Variants in TCL1A observed in about 807,000 individuals in gnomAD.
TCL1A encodes TCL1 family AKT coactivator A.
TCL1A carries 9 observed loss-of-function variants against 16.9 expected under a neutral mutation model. That is an observed-to-expected ratio of 0.53 (90% CI 0.32 to 0.93). TCL1A has a LOEUF of 0.93. Among genes scored for constraint, TCL1A ranks in the 40% least tolerant of loss-of-function variants. The pLI, the probability that TCL1A is intolerant of heterozygous loss-of-function variation, is 0.04. For missense variants in TCL1A, 139 were observed against 153.0 expected, an observed-to-expected ratio of 0.91 and a Z score of 0.48; for synonymous variants, 69 against 63.2, an observed-to-expected ratio of 1.09 and a Z score of -0.44.
At chr14:95,712,551 T>C in intron 1 of TCL1A, 155 bp from the exon 2 acceptor site, 1 of 1,466,102 alleles carries the variant, frequency 6.8e-7, no homozygotes, top group Admixed American at 2.4e-5. Context: ...TGAAGCTCAC[T>C]TCCTTAGGCC....
At chr14:95,713,713 C>T (rs1412539168) in intron 1 of TCL1A, among the ~76,000 whole-genome samples, 4 of 152,320 alleles carry the variant, frequency 2.6e-5, no homozygotes, top group Admixed American at 1.3e-4. Context: ...AGTCACACTC[C>T]ACAGGCACTG....
rs1595066623 is a variant in TCL1A at position 95,712,522 on chromosome 14, G to C, written c.121-126C>G. 3.4e-6 allele frequency: 5 copies of C among 1,487,232 alleles called. No individual in the cohort carries two copies. In the East Asian group the frequency reaches 1.2e-4, roughly 34 times the overall value. 92.1% of individuals were successfully genotyped at this position (1,487,232 alleles called of 1,614,324 possible). On this transcript the variant is annotated intron_variant, in intron 1 of 3. Transcript: ENST00000402399. ...CTGGGCAGGGGTCCGAGTGTGAAATGATGGTCATCACTGTTCCCTGAAGCT... is the reference window on the plus strand; with the variant it reads ...CTGGGCAGGGGTCCGAGTGTGAAATCATGGTCATCACTGTTCCCTGAAGCT...
chr14:95,711,094 T>A (rs1012432599), intron 3 of TCL1A, among the ~76,000 whole-genome samples: 2 of 152,104 alleles, frequency 1.3e-5, no homozygotes, highest in Admixed American at 1.3e-4. Context: ...GTACTCTTAT[T>A]TCCTCAAAAC....
At chr14:95,713,474 T>A (rs549202006) in intron 1 of TCL1A, among the ~76,000 whole-genome samples, 1 of 152,290 alleles carries the variant, frequency 6.6e-6, no homozygotes, top group East Asian at 1.9e-4. Flanking sequence ...GTTAAATTTG[T>A]TTTCTAAATA....
At chr14:95,712,857 C>T (rs553654593) in intron 1 of TCL1A, 19 of 384,910 alleles carry the variant, frequency 4.9e-5, no homozygotes, top group African/African-American at 2.8e-4. Flanking sequence ...CAAAATCTGT[C>T]CCACAGTTTG....
chr14:95,713,712 C>G (rs145224919), intron 1 of TCL1A, among the ~76,000 whole-genome samples: 3 of 152,334 alleles, frequency 2.0e-5, no homozygotes, highest in South Asian at 2.1e-4. Context: ...TAGTCACACT[C>G]CACAGGCACT....
chr14:95,712,207 G>T lies in TCL1A; in HGVS notation c.297+13C>A. The T allele has an allele frequency of 6.2e-7, 1 of 1,614,132 alleles. No individual in the cohort carries two copies. The highest frequency in any genetic ancestry group is 8.5e-7 in the Non-Finnish European group (1 of 1,180,022). On this transcript the variant is annotated intron_variant, in intron 2 of 3. Coordinates refer to ENST00000402399, the MANE Select transcript of TCL1A (RefSeq NM_021966.3). ...AAGATCACCCGATGGACCTCTGGGA[G>T]AAAGACACTCACCTTGATGTGGTAC...
intron 1 of TCL1A, among the ~76,000 whole-genome samples, chr14:95,713,427 T>C (rs1566747493): frequency 6.6e-6 from 1 of 152,346 alleles, no homozygotes; most frequent in African/African-American, 2.4e-5. Context: ...AAAGTCAATA[T>C]TGATTCAATA....
At chr14:95,712,113 T>G in intron 2 of TCL1A, 107 bp downstream of exon 2, 1 of 1,376,648 alleles carries the variant, frequency 7.3e-7, no homozygotes, top group Non-Finnish European at 1.0e-6. Flanking sequence ...CCCCCATTTT[T>G]TAATGCTTTT....
At chr14:95,711,972 C>T (rs1595066039) in intron 2 of TCL1A, 170 bp from the exon 3 acceptor site, 2 of 945,962 alleles carry the variant, frequency 2.1e-6, no homozygotes, top group East Asian at 5.3e-5. Context: ...CAGCCTGTGA[C>T]TGCCCACCAG....
At chr14:95,711,496 A>G in intron 3 of TCL1A, 1 of 435,486 alleles carries the variant, frequency 2.3e-6, no homozygotes, top group Non-Finnish European at 4.1e-6. Context: ...TGGTAAATGA[A>G]AGTGCCAGCT....
rs1166035293 is a variant in TCL1A at position 95,712,397 on chromosome 14, C to T, written c.121-1G>A. 3 of 1,597,830 alleles carry T rather than the reference C, an allele frequency of 1.9e-6. No homozygotes were observed. Among genetic ancestry groups the T allele is most frequent in the Non-Finnish European group, 2.6e-6 (3 of 1,168,984 alleles). ...CCCGTAACTGTAACCTATCCTTTAT[C>T]TGAGGAGAAGAAAAGGACAGGGCAT... On this transcript the variant is annotated splice_acceptor_variant, in intron 1 of 3. Coordinates refer to ENST00000402399, the MANE Select transcript of TCL1A (RefSeq NM_021966.3). LOFTEE classifies it high-confidence loss of function.
chr14:95,712,191 C>G, intron 2 of TCL1A, 29 bp downstream of exon 2: 1 of 1,613,752 alleles, frequency 6.2e-7, no homozygotes, highest in Non-Finnish European at 8.5e-7. Context: ...CAAGATCACC[C>G]GATGGACCTC....
At chr14:95,713,758 T>C (rs1886468300) in intron 1 of TCL1A, among the ~76,000 whole-genome samples, 189 bp downstream of exon 1, 1 of 152,314 alleles carries the variant, frequency 6.6e-6, no homozygotes, top group Middle Eastern at 3.4e-3. Context: ...CTTTGCGGTT[T>C]TCCCACCCTT....
At chr14:95,711,953 A>C (rs1886367791) in intron 2 of TCL1A, 151 bp from the exon 3 acceptor site, 1 of 1,034,600 alleles carries the variant, frequency 9.7e-7, no homozygotes, top group East Asian at 2.6e-5. Flanking sequence ...CCCTCCTCCC[A>C]CCAGCCTTCA....
Position 95,714,060 on chromosome 14 carries a change from C to T in TCL1A, c.7G>A (p.Glu3Lys). 2 of 1,613,734 alleles carry T rather than the reference C, an allele frequency of 1.2e-6. No individual in the cohort carries two copies. Among genetic ancestry groups the T allele is most frequent in the African/African-American group, 1.3e-5 (1 of 75,066 alleles). ...ACTGCCTCCCCGAGTGTCGGGCACT[C>T]GGCCATGGCGTCCTCGGGCCGCCTA... MAECPTLGEAVTD... is the reference protein window; with the variant it reads MAKCPTLGEAVTD... The change falls in exon 1 of 4, where the codon GAG (glutamate) becomes AAG (lysine). Residue 3 changes from glutamate (E) to lysine (K), a missense_variant. Glu to Lys is a moderately conservative substitution (Grantham distance 56, BLOSUM62 1). Coordinates refer to ENST00000402399, the MANE Select transcript of TCL1A (RefSeq NM_021966.3).
rs762444739 is a variant in TCL1A at position 95,713,943 on chromosome 14, G to A, written c.120+4C>T. On this transcript the variant is annotated splice_donor_region_variant and intron_variant, in intron 1 of 3. Coordinates refer to ENST00000402399, the MANE Select transcript of TCL1A (RefSeq NM_021966.3). ...CTCGCCATCCGCTCCAAAGCTGGCTGTACCTCGATGGTTAAGGGCAGCCAG... is the reference window on the plus strand; with the variant it reads ...CTCGCCATCCGCTCCAAAGCTGGCTATACCTCGATGGTTAAGGGCAGCCAG... 1.2e-6 allele frequency: 2 copies of A among 1,613,424 alleles called. No homozygotes were observed. Among genetic ancestry groups the A allele is most frequent in the Non-Finnish European group, 1.7e-6 (2 of 1,180,000 alleles).
In TCL1A at chr14:95,710,826, T is replaced by C. The variant is rs950430153; in HGVS notation, c.*62A>G. 3 of 152,784 alleles carry C rather than the reference T, an allele frequency of 2.0e-5. No homozygotes were observed. Among genetic ancestry groups the C allele is most frequent in the African/African-American group, 7.2e-5 (3 of 41,400 alleles). 9.5% of individuals were successfully genotyped at this position (152,784 alleles called of 1,614,324 possible). ...GGTGAACAGAAACACAACATCCCCA[T>C]TGTAGGCTGGCCAGGCTCAGGCCCT... On this transcript the variant is annotated 3_prime_UTR_variant, in exon 4 of 4. Coordinates refer to ENST00000402399, the MANE Select transcript of TCL1A (RefSeq NM_021966.3).
rs115447128 is a variant in TCL1A, at chr14:95,711,997, G to A, written c.298-195C>T. ...CTGCCCACCAGAGATGTCTTCCTGCGGCTAGCTGGTGGCTGGGAGGAAGTG... is the reference window on the plus strand; with the variant it reads ...CTGCCCACCAGAGATGTCTTCCTGCAGCTAGCTGGTGGCTGGGAGGAAGTG... On this transcript the variant is annotated intron_variant, in intron 2 of 3. Transcript: ENST00000402399. 1,494 of 864,354 alleles carry A rather than the reference G, an allele frequency of 1.7e-3. 23 individuals carry two copies. The African/African-American group carries it at 0.022, about 13-fold the overall frequency. 53.5% of individuals were successfully genotyped at this position (864,354 alleles called of 1,614,324 possible). A position where few individuals can be genotyped will look rare whatever the true frequency, so the allele number is the denominator to read the frequency against.
Sources: gnomAD v4.1 joint callset for allele counts (sites outside exome capture counted in the v4.1 genomes callset) on GRCh38, gnomAD v4.1.1 for gene constraint, MANE v1.5 for transcripts, NCBI Gene and HGNC (gene_info 2026-07-23, HGNC 2026-07-21) for gene names.